The following RARRES1 variants were observed in gnomAD, a reference collection of about 807,000 sequenced individuals.
The protein encoded by RARRES1 is retinoic acid receptor responder 1.
A neutral mutation model predicts 30.6 loss-of-function variants in RARRES1; 34 were observed. The observed-to-expected ratio is 1.11, with a 90% CI of 0.84 to 1.48. The LOEUF (loss-of-function observed/expected upper bound fraction) is 1.48, where lower values mean the gene tolerates loss of function less well. RARRES1 is among the 40% of genes most tolerant of loss of function. The probability of loss-of-function intolerance (pLI) is 0.00; values close to 1 mark genes in which losing one functional copy is unlikely to be tolerated. For synonymous variants in RARRES1, 153 were observed against 155.5 expected (o/e 0.98, Z 0.12); for missense variants, 373 against 386.5 (o/e 0.97, Z 0.29).
rs1342165923 is a variant in RARRES1 at position 158,697,474 on chromosome 3, T to C, written c.*204A>G. 3 of 551,172 alleles carry C rather than the reference T, an allele frequency of 5.4e-6. No homozygotes were observed. Among genetic ancestry groups the C allele is most frequent in the Non-Finnish European group, 6.3e-6 (2 of 318,496 alleles). 34.1% of individuals were successfully genotyped at this position (551,172 alleles called of 1,614,324 possible). A position where few individuals can be genotyped will look rare whatever the true frequency, so the allele number is the denominator to read the frequency against. On this transcript the variant is annotated 3_prime_UTR_variant, in exon 6 of 6. Transcript: ENST00000237696. ...GTGACTGTTTAGCACTGAGCAGAGT[T>C]CAGTGTGCATGCGCTTCCAGAGTTA...
At position 158,732,320 on chromosome 3, in the gene RARRES1, G is replaced by C. The variant is rs576733850; in HGVS notation, c.96C>G (p.Ala32=). ...CGGACCCCGCGGGCGCCGCCACCGG[G>C]GCGAGCAACAGCAGCAGCGCGAGCA... ...APLLALLLLL[A]PVAAPAGSGD... The change falls in exon 1 of 6, where the codon GCC becomes GCG. Residue 32 remains alanine, a synonymous_variant. Transcript: ENST00000237696. The C allele has an allele frequency of 2.9e-6, 4 of 1,362,856 alleles. No individual in the cohort carries two copies. The Admixed American group carries it at 1.2e-4, about 40-fold the overall frequency. 84.4% of individuals were successfully genotyped at this position (1,362,856 alleles called of 1,614,324 possible).
rs781535998 is a variant in RARRES1, at chr3:158,720,233, G to GGTGTGT, written c.277-6380_277-6375dup. The stretch of plus-strand genomic sequence containing the variant: ...AAAGGAAGAATAAAAGCTGGCTGCT[G>GGTGTGT]GTGTGTGTGTGTGTGTGTGTGTGTG... On this transcript the variant is annotated intron_variant, in intron 1 of 5. Coordinates refer to ENST00000237696, the MANE Select transcript of RARRES1 (RefSeq NM_206963.2). Among the ~76,000 whole-genome samples, 1,260 of 139,280 alleles carry GGTGTGT rather than the reference G, an allele frequency of 9.0e-3. 9 individuals carry two copies. Among genetic ancestry groups the GGTGTGT allele is most frequent in the South Asian group, 0.021 (84 of 4,082 alleles). The allele number at this position is 139,280 out of a possible 152,430, so 91.4% of individuals were successfully genotyped here.
chr3:158,698,787 C>G (rs185753164), intron 4 of RARRES1, among the ~76,000 whole-genome samples: 20 of 152,050 alleles, frequency 1.3e-4, no homozygotes, highest in African/African-American at 4.1e-4. Flanking sequence ...CCTACTATAA[C>G]TGAGTACTCC....
intron 4 of RARRES1, among the ~76,000 whole-genome samples, chr3:158,702,181 G>T (rs1304366987): frequency 6.6e-6 from 1 of 152,072 alleles, no homozygotes; most frequent in Non-Finnish European, 1.5e-5. Flanking sequence ...GGGACTACAG[G>T]TGCATGCCAC....
chr3:158,708,725 C>T (rs1727010367), intron 3 of RARRES1, among the ~76,000 whole-genome samples: 1 of 151,680 alleles, frequency 6.6e-6, no homozygotes, highest in South Asian at 2.1e-4. Flanking sequence ...AGTGCAGTGG[C>T]GCAATCTTGG....
At chr3:158,711,600 C>CTTTT (rs1175463184) in intron 2 of RARRES1, among the ~76,000 whole-genome samples, 4 of 121,310 alleles carry the variant, frequency 3.3e-5, no homozygotes, top group Non-Finnish European at 5.1e-5. Context: ...TTGCATTCAT[C>CTTTT]TTTTTTTTTT....
At chr3:158,715,108 G>A (rs1338469816) in intron 1 of RARRES1, among the ~76,000 whole-genome samples, 4 of 152,204 alleles carry the variant, frequency 2.6e-5, no homozygotes, top group Admixed American at 6.5e-5. Flanking sequence ...GTCTTCAAAC[G>A]AGTTCTGTTG....
Position 158,732,428 on chromosome 3 carries a change from GT to G in RARRES1, c.-14del, listed in dbSNP as rs1393721097. Reference sequence around the variant, plus strand: ...GGCGGGGCTGCATGGACGCAGGAAAGTTGGCTCGGCACCCGACAGACACGGG... The same window carrying G: ...GGCGGGGCTGCATGGACGCAGGAAAGTGGCTCGGCACCCGACAGACACGGG... On this transcript the variant is annotated 5_prime_UTR_variant, in exon 1 of 6. Transcript: ENST00000237696. The G allele has an allele frequency of 6.6e-7, 1 of 1,517,420 alleles. No homozygotes were observed. The highest frequency in any genetic ancestry group is 8.8e-7 in the Non-Finnish European group (1 of 1,137,794). The allele number at this position is 1,517,420 out of a possible 1,614,324, so 94.0% of individuals were successfully genotyped here. A position where few individuals can be genotyped will look rare whatever the true frequency, so the allele number is the denominator to read the frequency against.
At chr3:158,700,062 G>A (rs890246954) in intron 4 of RARRES1, among the ~76,000 whole-genome samples, 3 of 152,072 alleles carry the variant, frequency 2.0e-5, no homozygotes, top group African/African-American at 7.2e-5. Context: ...GGCTGGACAT[G>A]GTGGCTCATG....
At position 158,732,202 on chromosome 3, in the gene RARRES1, A is replaced by G; in HGVS notation, c.214T>C (p.Phe72Leu). Reference protein sequence around the residue: ...AARAALHFFNFRSGSPSALRV... With the variant: ...AARAALHFFNLRSGSPSALRV... Reference sequence around the variant, plus strand: ...AGCGCGCTGGGCGAGCCGGACCGGAAGTTGAAGAAGTGAAGCGCCGCGCGC... The same window carrying G: ...AGCGCGCTGGGCGAGCCGGACCGGAGGTTGAAGAAGTGAAGCGCCGCGCGC... The change falls in exon 1 of 6, where the codon TTC (phenylalanine) becomes CTC (leucine). Residue 72 changes from phenylalanine (F) to leucine (L), a missense_variant. Transcript: ENST00000237696. 7.0e-7 allele frequency: 1 copy of G among 1,421,106 alleles called. No individual in the cohort carries two copies. Among genetic ancestry groups the G allele is most frequent in the South Asian group, 1.5e-5 (1 of 67,588 alleles). 88.0% of individuals were successfully genotyped at this position (1,421,106 alleles called of 1,614,324 possible). A position where few individuals can be genotyped will look rare whatever the true frequency, so the allele number is the denominator to read the frequency against.
chr3:158,710,206 G>GTTT (rs34073811), intron 3 of RARRES1, among the ~76,000 whole-genome samples: 5 of 134,424 alleles, frequency 3.7e-5, no homozygotes, highest in Admixed American at 7.4e-5. Flanking sequence ...AAAATGAGGA[G>GTTT]TTTTTTTTTT....
intron 1 of RARRES1, among the ~76,000 whole-genome samples, chr3:158,718,589 T>G (rs1357503073): frequency 1.3e-5 from 2 of 152,206 alleles, no homozygotes; most frequent in East Asian, 3.9e-4. Flanking sequence ...ATCTGGCGTA[T>G]GTGGTCAAAT....
chr3:158,704,336 A>G (rs997019192), intron 4 of RARRES1, among the ~76,000 whole-genome samples: 5 of 148,448 alleles, frequency 3.4e-5, no homozygotes, highest in Admixed American at 7.0e-5. Flanking sequence ...GGATCAAGCA[A>G]TCCTCCCAAC....
chr3:158,710,680 A>G (rs1186593969), intron 3 of RARRES1, 58 bp downstream of exon 3: 10 of 1,449,612 alleles, frequency 6.9e-6, no homozygotes, highest in African/African-American at 1.4e-5. Context: ...TCTTTCTTTT[A>G]AGGATTTAGT....
intron 1 of RARRES1, among the ~76,000 whole-genome samples, chr3:158,715,567 A>G (rs1228547080): frequency 6.6e-6 from 1 of 152,202 alleles, no homozygotes; most frequent in East Asian, 1.9e-4. Flanking sequence ...TGTGAACAGT[A>G]GGATAAGGCA....
At chr3:158,716,750 A>AT (rs1727334945) in intron 1 of RARRES1, among the ~76,000 whole-genome samples, 2 of 152,080 alleles carry the variant, frequency 1.3e-5, no homozygotes, top group East Asian at 1.9e-4. Context: ...CACCTGGCTA[A>AT]TTTTTTGTAT....
Position 158,697,406 on chromosome 3 carries a change from C to T in RARRES1, c.*272G>A, listed in dbSNP as rs564894642. 26 of 305,546 alleles carry T rather than the reference C, an allele frequency of 8.5e-5. No individual in the cohort carries two copies. In the South Asian group the frequency reaches 2.3e-3, roughly 27 times the overall value. 18.9% of individuals were successfully genotyped at this position (305,546 alleles called of 1,614,324 possible). The stretch of plus-strand genomic sequence containing the variant: ...TTCTGGTGCAACATACACTGATTAT[C>T]CAGGTTTTACATTTTAGGGCTGAAA... On this transcript the variant is annotated 3_prime_UTR_variant, in exon 6 of 6. Transcript: ENST00000237696.
chr3:158,714,918 C>A (rs1379168103), intron 1 of RARRES1, among the ~76,000 whole-genome samples: 1 of 152,158 alleles, frequency 6.6e-6, no homozygotes, highest in Non-Finnish European at 1.5e-5. Flanking sequence ...CAGATAGCAT[C>A]CATTCCTATT....
intron 4 of RARRES1, among the ~76,000 whole-genome samples, chr3:158,704,419 A>C (rs1321309735): frequency 1.3e-5 from 2 of 151,776 alleles, no homozygotes; most frequent in Non-Finnish European, 2.9e-5. Context: ...TTTTGTAGAG[A>C]TAGGGCCTTG....
Sources: allele counts gnomAD v4.1 joint callset (sites outside exome capture counted in the v4.1 genomes callset), GRCh38; gene constraint gnomAD v4.1.1; transcripts MANE v1.5; gene names NCBI Gene and HGNC (gene_info 2026-07-23, HGNC 2026-07-21).